The following DENND5B variants were observed in gnomAD, a reference collection of about 807,000 sequenced individuals.
The protein encoded by DENND5B is DENN domain-containing protein 5B.
In DENND5B, 34 loss-of-function variants were observed where a neutral mutation model predicts 140.6. That is an observed-to-expected ratio of 0.24 (90% CI 0.18 to 0.32). The LOEUF is 0.32. Among genes scored for constraint, DENND5B ranks in the 10% least tolerant of loss-of-function variants. The pLI is 1.00. For missense variants in DENND5B, 1,142 were observed against 1,560.2 expected (o/e 0.73, Z 4.52); for synonymous variants, 551 against 562.1 (o/e 0.98, Z 0.28).
chr12:31,505,644 T>A (rs868814125), intron 1 of DENND5B, among the ~76,000 whole-genome samples: 5 of 152,102 alleles, frequency 3.3e-5, no homozygotes, highest in Admixed American at 6.5e-5. Flanking sequence ...ACAAGCTTGT[T>A]ATCCTTTCTA....
At position 31,387,684 on chromosome 12, in the gene DENND5B, G is replaced by A; in HGVS notation, c.3744C>T (p.Asn1248=). 6.2e-7 allele frequency: 1 copy of A among 1,614,070 alleles called. No homozygotes were observed. The highest frequency in any genetic ancestry group is 8.5e-7 in the Non-Finnish European group (1 of 1,179,904). The change falls in exon 21 of 21, where the codon AAC becomes AAT. Residue 1248 remains asparagine, a synonymous_variant. Coordinates refer to ENST00000389082, the MANE Select transcript of DENND5B (RefSeq NM_144973.4). ...SALLRDRMTV[N]SLIRILQTIQ... ...TGGTCTGCAGAATTCGGATAAGGGA[G>A]TTGACAGTCATGCGGTCTCGCAGGA... is the stretch of plus-strand genomic sequence containing the variant.
chr12:31,585,132 T>C (rs59283590), intron 1 of DENND5B, among the ~76,000 whole-genome samples: 20,636 of 151,820 alleles, frequency 0.14, 1,551 homozygotes, highest in East Asian at 0.25. Context: ...AACCCAAATA[T>C]CTCCCAATAA....
rs1014099916 is a variant in DENND5B, at chr12:31,389,571, T to C, written c.3467-73A>G. Reference sequence around the variant, plus strand: ...TATATAGAAAGATTCATCACTTAATTTATTATGGAAACACTAACGATGCTT... The same window carrying C: ...TATATAGAAAGATTCATCACTTAATCTATTATGGAAACACTAACGATGCTT... On this transcript the variant is annotated intron_variant, in intron 19 of 20. Coordinates refer to ENST00000389082, the MANE Select transcript of DENND5B (RefSeq NM_144973.4). 5.7e-6 allele frequency: 8 copies of C among 1,408,994 alleles called. No individual in the cohort carries two copies. The African/African-American group carries it at 7.1e-5, about 13-fold the overall frequency. 87.3% of individuals were successfully genotyped at this position (1,408,994 alleles called of 1,614,324 possible).
chr12:31,524,339 C>T (rs956549457), intron 1 of DENND5B, among the ~76,000 whole-genome samples: 2 of 152,104 alleles, frequency 1.3e-5, no homozygotes, highest in African/African-American at 4.8e-5. Flanking sequence ...CCTGTTGTTT[C>T]TATCTTAGAA....
At chr12:31,475,072 G>A (rs1945731897) in intron 3 of DENND5B, among the ~76,000 whole-genome samples, 1 of 152,028 alleles carries the variant, frequency 6.6e-6, no homozygotes, top group African/African-American at 2.4e-5. Flanking sequence ...GTATCATCTT[G>A]GGCAGATTAC....
At chr12:31,395,547 C>G (rs143150415) in intron 17 of DENND5B, among the ~76,000 whole-genome samples, 2 of 152,098 alleles carry the variant, frequency 1.3e-5, no homozygotes, top group Admixed American at 6.5e-5. Context: ...GAGATGAGAC[C>G]GCACCACTGC....
At position 31,385,436 on chromosome 12, in the gene DENND5B, A is replaced by C. The variant is rs1228146316; in HGVS notation, c.*2167T>G. 1 of 152,210 alleles carries C rather than the reference A, an allele frequency of 6.6e-6. No homozygotes were observed. The highest frequency in any genetic ancestry group is 2.4e-5 in the African/African-American group (1 of 41,450). The allele number at this position is 152,210 out of a possible 1,614,324, so 9.4% of individuals were successfully genotyped here. On this transcript the variant is annotated 3_prime_UTR_variant, in exon 21 of 21. Transcript: ENST00000389082. ...AGCACATTAACCTAAGTCATCCCCC[A>C]GGTTGCCTAGACCTGTCAGGAGCAT...
At chr12:31,587,963 T>C (rs1422576020) in intron 1 of DENND5B, among the ~76,000 whole-genome samples, 5 of 152,196 alleles carry the variant, frequency 3.3e-5, no homozygotes, top group African/African-American at 1.2e-4. Flanking sequence ...CATCAGATCT[T>C]GTCATTACTC....
At chr12:31,583,223 C>T (rs1189590246) in intron 1 of DENND5B, among the ~76,000 whole-genome samples, 2 of 149,676 alleles carry the variant, frequency 1.3e-5, no homozygotes, top group South Asian at 2.1e-4. Context: ...ACCCGGGAGG[C>T]GGAGATTGCA....
intron 3 of DENND5B, among the ~76,000 whole-genome samples, chr12:31,462,138 T>C (rs1028045759): frequency 6.6e-6 from 1 of 152,068 alleles, no homozygotes; most frequent in Non-Finnish European, 1.5e-5. Context: ...TAGGGGTCAG[T>C]CATACGAGCA....
intron 1 of DENND5B, among the ~76,000 whole-genome samples, chr12:31,570,340 G>A (rs1445009663): frequency 1.4e-5 from 2 of 147,470 alleles, no homozygotes; most frequent in Non-Finnish European, 3.0e-5. Flanking sequence ...GCAGTGGCAC[G>A]ACTTTGGCTC....
chr12:31,394,139 T>C (rs1439540199), intron 17 of DENND5B, among the ~76,000 whole-genome samples: 1 of 152,238 alleles, frequency 6.6e-6, no homozygotes, highest in East Asian at 1.9e-4. Context: ...TTGTTTTTTT[T>C]ACCTTTACCT....
chr12:31,451,907 T>TTA (rs760422952), intron 5 of DENND5B, 33 bp downstream of exon 5: 1 of 1,608,218 alleles, frequency 6.2e-7, no homozygotes, highest in South Asian at 1.1e-5. Context: ...AAGCCACTAA[T>TTA]AACCACAAAA....
At chr12:31,543,612 T>C (rs988151988) in intron 1 of DENND5B, among the ~76,000 whole-genome samples, 4 of 152,162 alleles carry the variant, frequency 2.6e-5, no homozygotes, top group South Asian at 2.1e-4. Flanking sequence ...ATCAAAAGTA[T>C]AGCAGCATAC....
intron 2 of DENND5B, among the ~76,000 whole-genome samples, chr12:31,487,431 C>A (rs532203570): frequency 6.6e-6 from 1 of 152,292 alleles, no homozygotes; most frequent in Non-Finnish European, 1.5e-5. Flanking sequence ...GGTGTAGTGG[C>A]TCACACCCAT....
chr12:31,506,208 T>C (rs1947194874), intron 1 of DENND5B: 1 of 152,172 alleles, frequency 6.6e-6, no homozygotes, highest in Non-Finnish European at 1.5e-5. Flanking sequence ...TCACAATATC[T>C]TTCCTCTTGA....
intron 2 of DENND5B, among the ~76,000 whole-genome samples, chr12:31,487,770 AGTC>A (rs1403248962): frequency 6.6e-6 from 1 of 152,220 alleles, no homozygotes; most frequent in Non-Finnish European, 1.5e-5. Flanking sequence ...CATTTATTGT[AGTC>A]AATAAAGATT....
chr12:31,545,558 C>G (rs1948828148), intron 1 of DENND5B, among the ~76,000 whole-genome samples: 1 of 151,974 alleles, frequency 6.6e-6, no homozygotes, highest in Non-Finnish European at 1.5e-5. Context: ...AAGGCATACC[C>G]AGAATGTAAT....
At chr12:31,482,074 T>C (rs559094585) in intron 2 of DENND5B, among the ~76,000 whole-genome samples, 29 of 152,276 alleles carry the variant, frequency 1.9e-4, no homozygotes, top group South Asian at 1.7e-3. Flanking sequence ...TGCAACACAA[T>C]TGTCATTAAG....
Sources: allele counts gnomAD v4.1 joint callset (sites outside exome capture counted in the v4.1 genomes callset), GRCh38; gene constraint gnomAD v4.1.1; transcripts MANE v1.5; gene names NCBI Gene and HGNC (gene_info 2026-07-23, HGNC 2026-07-21).